The following SBNO2 variants were observed in gnomAD, a reference collection of about 807,000 sequenced individuals.
The protein encoded by SBNO2 is protein strawberry notch homolog 2.
A neutral mutation model predicts 146.3 loss-of-function variants in SBNO2; 89 were observed. That is an observed-to-expected ratio of 0.61 (90% CI 0.51 to 0.73). The LOEUF (loss-of-function observed/expected upper bound fraction) is 0.73, where lower values mean the gene tolerates loss of function less well. Among genes scored for constraint, SBNO2 ranks in the 30% least tolerant of loss-of-function variants. The pLI is 0.00. For missense variants in SBNO2, 2,092 were observed against 2,003.7 expected (o/e 1.04, Z -0.84); for synonymous variants, 1,147 against 892.6 (o/e 1.29, Z -5.08).
At chr19:1,169,767 C>T in intron 1 of SBNO2, among the ~76,000 whole-genome samples, 1 of 152,182 alleles carries the variant, frequency 6.6e-6, no homozygotes, top group East Asian at 1.9e-4. Flanking sequence ...TTCTGTTAAA[C>T]ACTTTTATTT....
At chr19:1,119,236 G>C (rs1283900866) in intron 13 of SBNO2, 72 bp from the exon 14 acceptor site, 16 of 1,514,026 alleles carry the variant, frequency 1.1e-5, no homozygotes, top group Non-Finnish European at 1.4e-5. Context: ...GCGCGAGGCA[G>C]AGCCAGTCGC....
Position 1,158,351 on chromosome 19 carries a change from A to T in SBNO2, c.-126-3949T>A, listed in dbSNP as rs1599876094. On this transcript the variant is annotated intron_variant, in intron 1 of 31. Coordinates refer to ENST00000361757, the MANE Select transcript of SBNO2 (RefSeq NM_014963.3). The surrounding 1 kb of genome is among the most constrained non-coding windows in gnomAD (Gnocchi z 9.9). ...AGGGTTGTGACCCCCGCACTTTCGGATGTGGACACGGAGGCCCCTAGGTGG... is the reference window on the plus strand; with the variant it reads ...AGGGTTGTGACCCCCGCACTTTCGGTTGTGGACACGGAGGCCCCTAGGTGG... Among the ~76,000 whole-genome samples, 1 of 152,010 alleles carries T rather than the reference A, an allele frequency of 6.6e-6. No individual in the cohort carries two copies. Among genetic ancestry groups the T allele is most frequent in the African/African-American group, 2.4e-5 (1 of 41,356 alleles).
chr19:1,132,037 C>A, intron 4 of SBNO2: 2 of 1,386,960 alleles, frequency 1.4e-6, no homozygotes, highest in Non-Finnish European at 1.9e-6. Flanking sequence ...GGGGTCCCAC[C>A]TCCCAGACCC....
intron 18 of SBNO2, 116 bp from the exon 19 acceptor site, chr19:1,113,820 CGGCAGGGTGGCGGGGAAGCCCGGCACCG>C: frequency 7.6e-7 from 1 of 1,307,256 alleles, no homozygotes; most frequent in Non-Finnish European, 9.9e-7. Flanking sequence ...CCCTGAGGGA[CGGCAGGGTGGCGGGGAAGCCCGGCACCG>C]TGGCCCAGGA....
At chr19:1,128,968 CAAAA>C (rs55815908) in intron 4 of SBNO2, among the ~76,000 whole-genome samples, 19 of 140,148 alleles carry the variant, frequency 1.4e-4, no homozygotes, top group Non-Finnish European at 2.2e-4. Flanking sequence ...GACTCTGTCT[CAAAA>C]AAAAAAAAAA....
rs569617658 is a variant in SBNO2 at position 1,110,593 on chromosome 19, G to A, written c.3028+152C>T. On this transcript the variant is annotated intron_variant, in intron 26 of 31. Coordinates refer to ENST00000361757, the MANE Select transcript of SBNO2 (RefSeq NM_014963.3). This position sits in a 1 kb window ranked among gnomAD's most constrained non-coding sequence, Gnocchi z 4.9. Reference sequence around the variant, plus strand: ...TGCCCGGCGTTCCCACGAGCCCCTCGCCCACCCGGGATGCACGGTGTTCCC... The same window carrying A: ...TGCCCGGCGTTCCCACGAGCCCCTCACCCACCCGGGATGCACGGTGTTCCC... 3.7e-5 allele frequency: 32 copies of A among 857,294 alleles called. 1 individual carries two copies. Among genetic ancestry groups the A allele is most frequent in the African/African-American group, 1.3e-4 (7 of 54,982 alleles). 53.1% of individuals were successfully genotyped at this position (857,294 alleles called of 1,614,324 possible).
rs1256535824 is a variant in SBNO2, at chr19:1,114,323, C to G, written c.1985G>C (p.Gly662Ala). Residue 662 changes from glycine to alanine, a missense_variant, in exon 18 of 32, where the codon GGC (glycine) becomes GCC (alanine). Physicochemically the swap from Gly to Ala is moderately conservative, Grantham distance 60 (BLOSUM62 0). Transcript: ENST00000361757. Reference protein sequence around the residue: ...SDDSSTESDPGLDSDFNSSPE... With the variant: ...SDDSSTESDPALDSDFNSSPE... Reference sequence around the variant, plus strand: ...GGAGGAGTTGAAGTCGCTGTCCAGGCCAGGGTCCGACTCCGTGCTGCTGTC... The same window carrying G: ...GGAGGAGTTGAAGTCGCTGTCCAGGGCAGGGTCCGACTCCGTGCTGCTGTC... 2.6e-6 allele frequency: 4 copies of G among 1,556,536 alleles called. No individual in the cohort carries two copies. The highest frequency in any genetic ancestry group is 3.5e-6 in the Non-Finnish European group (4 of 1,150,252).
Position 1,109,458 on chromosome 19 carries a change from C to T in SBNO2, c.3217-35G>A, listed in dbSNP as rs746167036. 1.2e-5 allele frequency: 19 copies of T among 1,565,204 alleles called. No homozygotes were observed. The highest frequency in any genetic ancestry group is 1.6e-5 in the Non-Finnish European group (18 of 1,156,384). ...GGGGCGTTGAGGCCGCGCCCCGGTC[C>T]GCCCCCCGCGGGCCCTCCTCTGGGG... On this transcript the variant is annotated intron_variant, in intron 28 of 31. Coordinates refer to ENST00000361757, the MANE Select transcript of SBNO2 (RefSeq NM_014963.3). This position sits in a 1 kb window ranked among gnomAD's most constrained non-coding sequence, Gnocchi z 4.2.
rs1410655302 is a variant in SBNO2, at chr19:1,119,508, G to A, written c.1373+8C>T. On this transcript the variant is annotated splice_region_variant and intron_variant, in intron 13 of 31. Transcript: ENST00000361757. Reference sequence around the variant, plus strand: ...CCGCCCCTCCACGTGGGTGAGAAGGGCACTCACCTCTTCTCGATGGCGTGC... The same window carrying A: ...CCGCCCCTCCACGTGGGTGAGAAGGACACTCACCTCTTCTCGATGGCGTGC... 2 of 1,588,194 alleles carry A rather than the reference G, an allele frequency of 1.3e-6. No homozygotes were observed. The highest frequency in any genetic ancestry group is 1.7e-6 in the Non-Finnish European group (2 of 1,164,254).
At chr19:1,132,062 C>G (rs990562344) in intron 4 of SBNO2, 1 of 1,505,490 alleles carries the variant, frequency 6.6e-7, no homozygotes, top group Admixed American at 2.2e-5. Context: ...CCCCGAGGGC[C>G]TCGCCCGCCC....
intron 4 of SBNO2, among the ~76,000 whole-genome samples, chr19:1,145,020 CAG>C (rs906973653): frequency 6.8e-6 from 1 of 146,302 alleles, no homozygotes; most frequent in African/African-American, 2.5e-5. Flanking sequence ...GAGACAGAGA[CAG>C]AGGCAGAGAG....
At chr19:1,127,093 C>T (rs535725252) in intron 5 of SBNO2, among the ~76,000 whole-genome samples, 43 of 148,272 alleles carry the variant, frequency 2.9e-4, no homozygotes, top group South Asian at 1.0e-3. Context: ...AGCGGGGACA[C>T]GGCCACTGCT....
Position 1,110,460 on chromosome 19 carries a change from C to A in SBNO2, c.3028+285G>T, listed in dbSNP as rs893592925. Reference sequence around the variant, plus strand: ...TCCGCCCAGTCTCACCCAGTACCCTCGCTCACCCAGGATGCATGGCGCTTC... The same window carrying A: ...TCCGCCCAGTCTCACCCAGTACCCTAGCTCACCCAGGATGCATGGCGCTTC... On this transcript the variant is annotated intron_variant, in intron 26 of 31. Transcript: ENST00000361757. This position sits in a 1 kb window ranked among gnomAD's most constrained non-coding sequence, Gnocchi z 4.9. Among the ~76,000 whole-genome samples, 2 of 152,132 alleles carry A rather than the reference C, an allele frequency of 1.3e-5. No individual in the cohort carries two copies. The highest frequency in any genetic ancestry group is 4.8e-5 in the African/African-American group (2 of 41,420).
At chr19:1,120,115 G>A (rs913720223) in intron 11 of SBNO2, 92 bp from the exon 12 acceptor site, 14 of 1,006,366 alleles carry the variant, frequency 1.4e-5, no homozygotes, top group Admixed American at 1.2e-4. Context: ...CCTTCCTGGT[G>A]GGGGGCAAAC....
In SBNO2 at chr19:1,125,805, A is replaced by G. The variant is rs191637136; in HGVS notation, c.442-1783T>C. Among the ~76,000 whole-genome samples, 21 of 152,240 alleles carry G rather than the reference A, an allele frequency of 1.4e-4. No homozygotes were observed. In the East Asian group the frequency reaches 3.5e-3, roughly 25 times the overall value. ...GGGCCAGGGTTCCAGACCAGCCTGG[A>G]CAACATGATAAAATCCTATCTCTAC... On this transcript the variant is annotated intron_variant, in intron 5 of 31. Transcript: ENST00000361757.
intron 4 of SBNO2, among the ~76,000 whole-genome samples, chr19:1,146,741 G>A (rs2080193717): frequency 1.4e-5 from 2 of 140,848 alleles, no homozygotes; most frequent in South Asian, 4.8e-4. Flanking sequence ...GGGTCCGCCT[G>A]ATGCCGCAGT....
chr19:1,167,296 G>A (rs752222770), intron 1 of SBNO2, among the ~76,000 whole-genome samples: 17 of 152,260 alleles, frequency 1.1e-4, no homozygotes, highest in Non-Finnish European at 2.9e-5. Context: ...CGTAGCTGCT[G>A]ACAACGACAC....
Position 1,147,434 on chromosome 19 carries a change from G to GC in SBNO2, c.168-15_168-14insG, listed in dbSNP as rs762035681. The stretch of plus-strand genomic sequence containing the variant: ...CTCATGAACGGGCTGGAGGGAGATG[G>GC]GGGGGGGGGAGGTGAGATGGGGTGC... On this transcript the variant is annotated splice_polypyrimidine_tract_variant and intron_variant, in intron 3 of 31. Transcript: ENST00000361757. The GC allele has an allele frequency of 1.5e-5, 17 of 1,133,404 alleles. No homozygotes were observed. The East Asian group carries it at 3.5e-4, about 24-fold the overall frequency. 70.2% of individuals were successfully genotyped at this position (1,133,404 alleles called of 1,614,324 possible). A position where few individuals can be genotyped will look rare whatever the true frequency, so the allele number is the denominator to read the frequency against.
At position 1,126,042 on chromosome 19, in the gene SBNO2, TC is replaced by T. The variant is rs2079962102; in HGVS notation, c.441+1561del. 6.6e-6 allele frequency among the ~76,000 whole-genome samples: 1 copy of T among 151,722 alleles called. No homozygotes were observed. The highest frequency in any genetic ancestry group is 6.6e-5 in the Admixed American group (1 of 15,214). On this transcript the variant is annotated intron_variant, in intron 5 of 31. Transcript: ENST00000361757. The surrounding 1 kb of genome is among the most constrained non-coding windows in gnomAD (Gnocchi z 4.4). ...ATAAGAGCATCTCTTCTAGACCCGG[TC>T]CCCCCCTTGAACTCCAACGTCCTGA...
Sources: gnomAD v4.1 joint callset for allele counts (sites outside exome capture counted in the v4.1 genomes callset) on GRCh38, gnomAD v4.1.1 for gene constraint, Gnocchi (gnomAD v3.1) non-coding constraint, MANE v1.5 for transcripts, NCBI Gene and HGNC (gene_info 2026-07-23, HGNC 2026-07-21) for gene names.